The following SMARCA2 variants were observed in gnomAD, a reference collection of about 807,000 sequenced individuals.
SMARCA2 encodes the protein SWI/SNF-related matrix-associated actin-dependent regulator of chromatin subfamily A member 2.
A neutral mutation model predicts 199.8 loss-of-function variants in SMARCA2; 61 were observed. That is an observed-to-expected ratio of 0.31 (90% CI 0.25 to 0.38). The LOEUF (loss-of-function observed/expected upper bound fraction) is 0.38, where lower values mean the gene tolerates loss of function less well. Among genes scored for constraint, SMARCA2 ranks in the 10% least tolerant of loss-of-function variants. The pLI is 1.00. For synonymous variants in SMARCA2, 935 were observed against 732.0 expected, an observed-to-expected ratio of 1.28 and a Z score of -4.48; for missense variants, 1,344 against 2,012.2, an observed-to-expected ratio of 0.67 and a Z score of 6.35.
intron 4 of SMARCA2, chr9:2,040,362 G>T: frequency 5.1e-6 from 1 of 196,542 alleles, no homozygotes; most frequent in Non-Finnish European, 1.0e-5. Flanking sequence ...AAGCATGCCT[G>T]TTGTAAAATA....
intron 22 of SMARCA2, among the ~76,000 whole-genome samples, chr9:2,102,159 G>GTGTGTA (rs1554626397): frequency 5.4e-5 from 8 of 148,140 alleles, no homozygotes; most frequent in African/African-American, 2.0e-4. Context: ...GTGTGTGTGT[G>GTGTGTA]TGTGTGGTGT....
intron 27 of SMARCA2, among the ~76,000 whole-genome samples, chr9:2,153,700 A>G (rs1825194645): frequency 6.6e-6 from 1 of 152,246 alleles, no homozygotes; most frequent in South Asian, 2.1e-4. Context: ...TTTAATGTTT[A>G]GACATAAATT....
At chr9:2,105,708 G>C (rs1822723860) in intron 23 of SMARCA2, among the ~76,000 whole-genome samples, 2 of 152,180 alleles carry the variant, frequency 1.3e-5, no homozygotes, top group South Asian at 4.1e-4. Flanking sequence ...CCTGCCTCCG[G>C]AAAGTGGAAA....
At chr9:2,088,689 T>C (rs1821915143) in intron 19 of SMARCA2, 76 bp downstream of exon 19, 1 of 999,044 alleles carries the variant, frequency 1.0e-6, no homozygotes, top group Non-Finnish European at 1.5e-6. Context: ...CCTCTGAAAT[T>C]GTGTTTCTGA....
chr9:2,147,714 G>C (rs376798726), intron 27 of SMARCA2, among the ~76,000 whole-genome samples: 12 of 151,648 alleles, frequency 7.9e-5, no homozygotes, highest in African/African-American at 2.4e-4. Context: ...GGCGTGGTGG[G>C]CGGGCACTTG....
chr9:2,143,968 A>G (rs529267971), intron 27 of SMARCA2, among the ~76,000 whole-genome samples: 1 of 152,302 alleles, frequency 6.6e-6, no homozygotes, highest in South Asian at 2.1e-4. Flanking sequence ...GACATACAAA[A>G]TGTTAACAGG....
At chr9:2,117,127 T>C (rs1247549444) in intron 25 of SMARCA2, among the ~76,000 whole-genome samples, 2 of 152,142 alleles carry the variant, frequency 1.3e-5, no homozygotes, top group African/African-American at 4.8e-5. Context: ...GCATCCCTTC[T>C]GCACCATTAT....
chr9:2,145,254 G>A (rs1035614872), intron 27 of SMARCA2, among the ~76,000 whole-genome samples: 1 of 146,460 alleles, frequency 6.8e-6, no homozygotes, highest in Non-Finnish European at 1.5e-5. Context: ...AGTGAGCCGA[G>A]ACTGCAACAC....
intron 28 of SMARCA2, among the ~76,000 whole-genome samples, chr9:2,168,614 A>G (rs1216271765): frequency 1.3e-5 from 2 of 152,108 alleles, no homozygotes; most frequent in Non-Finnish European, 2.9e-5. Flanking sequence ...TTATCATCTC[A>G]AGGCTTCATC....
chr9:2,192,376 G>A, intron 33 of SMARCA2: 1 of 311,126 alleles, frequency 3.2e-6, no homozygotes, highest in Non-Finnish European at 5.9e-6. Context: ...TCAAATGCAG[G>A]GTATTTTTTT....
intron 10 of SMARCA2, among the ~76,000 whole-genome samples, chr9:2,072,664 G>A (rs1024774313): frequency 1.3e-5 from 2 of 152,172 alleles, no homozygotes; most frequent in African/African-American, 4.8e-5. Context: ...TGAGGAATGG[G>A]GATTGTTAGT....
chr9:2,083,707 G>A (rs1186809274), intron 16 of SMARCA2, among the ~76,000 whole-genome samples: 1 of 152,320 alleles, frequency 6.6e-6, no homozygotes, highest in East Asian at 1.9e-4. Context: ...GGCTCGCTGT[G>A]GGCTGCTACT....
intron 9 of SMARCA2, among the ~76,000 whole-genome samples, chr9:2,066,356 A>G (rs1820837059): frequency 6.6e-6 from 1 of 152,228 alleles, no homozygotes; most frequent in Admixed American, 6.5e-5. Flanking sequence ...TTTCATATTT[A>G]GAGATTTCTT....
intron 24 of SMARCA2, among the ~76,000 whole-genome samples, chr9:2,111,468 G>A (rs1187684053): frequency 3.4e-5 from 5 of 148,440 alleles, no homozygotes; most frequent in Non-Finnish European, 7.4e-5. Context: ...CTCCAGCCCG[G>A]GCGACAAAGC....
chr9:2,105,835 C>T (rs1011501680), intron 23 of SMARCA2, among the ~76,000 whole-genome samples: 3 of 152,184 alleles, frequency 2.0e-5, no homozygotes, highest in East Asian at 1.9e-4. Flanking sequence ...AGGCGTCCTG[C>T]GTAACTATCA....
At chr9:2,160,507 C>A in intron 27 of SMARCA2, 1 of 619,424 alleles carries the variant, frequency 1.6e-6, no homozygotes, top group Non-Finnish European at 3.0e-6. Context: ...TTTCAGGAAG[C>A]GTTGTACATA....
At chr9:2,091,738 C>T (rs1278177147) in intron 19 of SMARCA2, among the ~76,000 whole-genome samples, 2 of 152,200 alleles carry the variant, frequency 1.3e-5, no homozygotes, top group Admixed American at 1.3e-4. Context: ...GACCATTCCA[C>T]TTCCTCCACA....
rs888221756 is a variant in SMARCA2 at position 2,165,417 on chromosome 9, G to A, written c.4199+3514G>A. On this transcript the variant is annotated intron_variant, in intron 28 of 33. Transcript: ENST00000349721. ...TAGGACTTGTTTTTTAAAAAGGAGGGTGCTTCTAAAAATCTGACCCTTAAG... is the reference window on the plus strand; with the variant it reads ...TAGGACTTGTTTTTTAAAAAGGAGGATGCTTCTAAAAATCTGACCCTTAAG... 3.3e-5 allele frequency among the ~76,000 whole-genome samples: 5 copies of A among 152,168 alleles called. No individual in the cohort carries two copies. In the South Asian group the frequency reaches 8.3e-4, roughly 25 times the overall value.
intron 23 of SMARCA2, among the ~76,000 whole-genome samples, chr9:2,106,676 T>C (rs899034248): frequency 1.3e-5 from 2 of 152,188 alleles, no homozygotes; most frequent in Non-Finnish European, 1.5e-5. Context: ...ATTTTGACTT[T>C]AGGGGAAAAA....
Sources: allele counts gnomAD v4.1 joint callset (sites outside exome capture counted in the v4.1 genomes callset), GRCh38; gene constraint gnomAD v4.1.1; transcripts MANE v1.5; gene names NCBI Gene and HGNC (gene_info 2026-07-23, HGNC 2026-07-21).